The following USH2A variants were observed in gnomAD, a reference collection of about 807,000 sequenced individuals.
USH2A encodes Usher syndrome 2A (autosomal recessive, mild).
Under a neutral mutation model 538.9 loss-of-function variants are expected in USH2A, and 443 were observed. The ratio of observed to expected loss-of-function variants is 0.82; its 90% confidence interval spans 0.76 to 0.89. USH2A has a LOEUF of 0.89. Among genes scored for constraint, USH2A ranks in the 40% least tolerant of loss-of-function variants. The pLI, the probability that USH2A is intolerant of heterozygous loss-of-function variation, is 0.00. For synonymous variants in USH2A, 2,413 were observed against 2,273.5 expected (o/e 1.06, Z -1.75); for missense variants, 6,633 against 6,324.8 (o/e 1.05, Z -1.65).
intron 21 of USH2A, among the ~76,000 whole-genome samples, chr1:216,156,332 G>T (rs1572007254): frequency 1.8e-5 from 2 of 109,128 alleles, no homozygotes; most frequent in East Asian, 2.7e-4. Flanking sequence ...AACTCAACTT[G>T]CCTCATCCTC....
intron 11 of USH2A, among the ~76,000 whole-genome samples, chr1:216,286,723 C>CTAAATAAATAAATAAA (rs145969783): frequency 6.6e-6 from 1 of 151,000 alleles, no homozygotes; most frequent in African/African-American, 2.5e-5. Flanking sequence ...GACTCTGTCT[C>CTAAATAAATAAATAAA]TAAATAAATA....
chr1:216,017,775 T>C (rs567679841), intron 32 of USH2A, among the ~76,000 whole-genome samples: 3 of 152,336 alleles, frequency 2.0e-5, no homozygotes, highest in East Asian at 3.9e-4. Context: ...CAGTGCTAAG[T>C]CTATTGTCAG....
chr1:215,723,794 C>G lies in USH2A; in HGVS notation c.12066+4236G>C, dbSNP rs139266962. Among the ~76,000 whole-genome samples, 532 of 152,204 alleles carry G rather than the reference C, an allele frequency of 3.5e-3. 2 individuals are homozygous for G. Among genetic ancestry groups the G allele is most frequent in the Admixed American group, 6.5e-3 (100 of 15,288 alleles). ...GAAATTAGATAAACAGTAAGTAGATCTAGGGAAGTACTTGGGATGCGATTT... is the reference window on the plus strand; with the variant it reads ...GAAATTAGATAAACAGTAAGTAGATGTAGGGAAGTACTTGGGATGCGATTT... On this transcript the variant is annotated intron_variant, in intron 61 of 71. Transcript: ENST00000307340.
chr1:216,221,026 G>GT (rs1359925094), intron 14 of USH2A, among the ~76,000 whole-genome samples: 1 of 152,090 alleles, frequency 6.6e-6, no homozygotes, highest in Non-Finnish European at 1.5e-5. Context: ...TTTTGTCTTA[G>GT]TTTTTTCCAT....
At chr1:215,912,489 A>ATGTG (rs1221476249) in intron 38 of USH2A, among the ~76,000 whole-genome samples, 1 of 21,880 alleles carries the variant, frequency 4.6e-5, no homozygotes, top group African/African-American at 1.1e-4. Flanking sequence ...ATATATATAT[A>ATGTG]TGTGTATATA....
intron 37 of USH2A, among the ~76,000 whole-genome samples, chr1:215,951,936 C>A (rs1170336491): frequency 6.6e-6 from 1 of 151,582 alleles, no homozygotes; most frequent in Non-Finnish European, 1.5e-5. Context: ...GCAATCTCGG[C>A]TCACTGCAAG....
chr1:216,268,458 A>G (rs2036516251), intron 11 of USH2A, among the ~76,000 whole-genome samples: 1 of 152,154 alleles, frequency 6.6e-6, no homozygotes, highest in Non-Finnish European at 1.5e-5. Flanking sequence ...AGTGCTCGGT[A>G]AAGATGAAGT....
intron 22 of USH2A, among the ~76,000 whole-genome samples, chr1:216,094,955 GGT>G (rs34985923): frequency 0.018 from 2,595 of 147,574 alleles, 23 homozygotes; most frequent in Middle Eastern, 0.045. Context: ...TGCGTGTGTA[GGT>G]GTGTGTGTGT....
intron 47 of USH2A, among the ~76,000 whole-genome samples, chr1:215,823,734 T>C (rs991165353): frequency 1.3e-5 from 2 of 152,046 alleles, no homozygotes; most frequent in African/African-American, 2.4e-5. Flanking sequence ...CTTGTTTTCA[T>C]TCTTTTATCC....
intron 32 of USH2A, among the ~76,000 whole-genome samples, chr1:216,034,241 G>A (rs940117210): frequency 4.6e-5 from 7 of 152,146 alleles, no homozygotes; most frequent in Non-Finnish European, 1.0e-4. Context: ...TTGAGAAGGT[G>A]AGGTATCACA....
In USH2A at chr1:215,634,631, C is replaced by G. The variant is rs2102630643; in HGVS notation, c.15125G>C (p.Trp5042Ser). Reference protein sequence around the residue: ...SKSTEFYSELWFIVLMAMLGL... With the variant: ...SKSTEFYSELSFIVLMAMLGL... ...CAGCATCGCCATTAACACTATGAAC[C>G]ACAGCTCGCTGTAGAACTCTGTGCT... The change falls in exon 70 of 72, where the codon TGG becomes TCG. Residue 5042 changes from tryptophan (W) to serine (S), a missense_variant. Physicochemically the swap from Trp to Ser is radical, Grantham distance 177. Transcript: ENST00000307340. The G allele has an allele frequency of 8.1e-6, 13 of 1,614,202 alleles. No individual in the cohort carries two copies. Among genetic ancestry groups the G allele is most frequent in the Non-Finnish European group, 1.0e-5 (12 of 1,180,036 alleles).
intron 38 of USH2A, among the ~76,000 whole-genome samples, chr1:215,933,758 C>T (rs1666421476): frequency 6.6e-6 from 1 of 151,820 alleles, no homozygotes; most frequent in African/African-American, 2.4e-5. Context: ...ATACTCATTC[C>T]TGGGAGATGG....
intron 13 of USH2A, among the ~76,000 whole-genome samples, chr1:216,244,032 A>G (rs2035986100): frequency 6.9e-6 from 1 of 145,808 alleles, no homozygotes; most frequent in Admixed American, 7.1e-5. Flanking sequence ...AGTTTTCTAT[A>G]GGTTTGAGTT....
At chr1:215,993,279 C>A in intron 34 of USH2A, 112 bp from the exon 35 acceptor site, 2 of 1,471,048 alleles carry the variant, frequency 1.4e-6, no homozygotes, top group Non-Finnish European at 1.9e-6. Context: ...ATAGTGCTAC[C>A]TTTACTTCCC....
At chr1:215,928,487 A>T (rs572598771) in intron 38 of USH2A, among the ~76,000 whole-genome samples, 1 of 152,268 alleles carries the variant, frequency 6.6e-6, no homozygotes, top group Non-Finnish European at 1.5e-5. Flanking sequence ...TTGTACATAT[A>T]CACATACACA....
intron 43 of USH2A, among the ~76,000 whole-genome samples, chr1:215,876,689 G>T (rs1302396906): frequency 1.3e-5 from 2 of 152,178 alleles, no homozygotes; most frequent in South Asian, 2.1e-4. Flanking sequence ...TGTTACAGAG[G>T]AGCTGAATCA....
At chr1:216,126,743 T>C (rs2033262041) in intron 21 of USH2A, among the ~76,000 whole-genome samples, 1 of 152,166 alleles carries the variant, frequency 6.6e-6, no homozygotes. Context: ...ATTTGATCCA[T>C]GATTGTTTTA....
intron 30 of USH2A, among the ~76,000 whole-genome samples, chr1:216,055,578 C>T (rs1319544037): frequency 1.3e-5 from 2 of 152,168 alleles, no homozygotes; most frequent in Admixed American, 1.3e-4. Context: ...CTAACACAGA[C>T]ATTTTGACAC....
At position 216,024,273 on chromosome 1, in the gene USH2A, A is replaced by C. The variant is rs187422760; in HGVS notation, c.6325+22158T>G. ...AACATGAGTGAATCACTGGAGCTTT[A>C]GGCCTCAGTTTTCTCATTTGTTAAA... On this transcript the variant is annotated intron_variant, in intron 32 of 71. Coordinates refer to ENST00000307340, the MANE Select transcript of USH2A (RefSeq NM_206933.4). 9.9e-5 allele frequency among the ~76,000 whole-genome samples: 15 copies of C among 152,246 alleles called. No homozygotes were observed. In the East Asian group the frequency reaches 2.9e-3, roughly 29 times the overall value.
Sources: allele counts gnomAD v4.1 joint callset (sites outside exome capture counted in the v4.1 genomes callset), GRCh38; gene constraint gnomAD v4.1.1; transcripts MANE v1.5; gene names NCBI Gene and HGNC (gene_info 2026-07-23, HGNC 2026-07-21).